SLC25A17: variants seen among roughly 807,000 people sequenced by gnomAD.
SLC25A17 encodes solute carrier family 25 member 17, also known as peroxisomal membrane protein PMP34.
SLC25A17 carries 26 observed loss-of-function variants against 38.5 expected under a neutral mutation model. That is an observed-to-expected ratio of 0.68 (90% CI 0.50 to 0.94). The LOEUF is 0.94. Among genes scored for constraint, SLC25A17 ranks in the 40% least tolerant of loss-of-function variants. SLC25A17 has a pLI of 0.00. For synonymous variants in SLC25A17, 139 were observed against 136.2 expected (o/e 1.02, Z -0.14); for missense variants, 333 against 372.7 (o/e 0.89, Z 0.88).
chr22:40,811,742 C>G (rs533178677), intron 1 of SLC25A17, among the ~76,000 whole-genome samples: 1 of 152,264 alleles, frequency 6.6e-6, no homozygotes, highest in East Asian at 1.9e-4. Context: ...CATGAACTAA[C>G]AGTGAGAACT....
At chr22:40,800,126 T>A (rs1427830055) in intron 1 of SLC25A17, among the ~76,000 whole-genome samples, 1 of 152,176 alleles carries the variant, frequency 6.6e-6, no homozygotes, top group Non-Finnish European at 1.5e-5. Flanking sequence ...ATAGGAACAA[T>A]CTCTTTGCCA....
intron 1 of SLC25A17, among the ~76,000 whole-genome samples, chr22:40,804,117 T>C (rs2057508265): frequency 6.6e-6 from 1 of 152,134 alleles, no homozygotes; most frequent in African/African-American, 2.4e-5. Context: ...GCCCTGTTCC[T>C]CTCACTTTCA....
chr22:40,812,033 T>TTC lies in SLC25A17; in HGVS notation c.54+7160_54+7161dup, dbSNP rs372346560. 5.0e-3 allele frequency among the ~76,000 whole-genome samples: 754 copies of TTC among 150,252 alleles called. 8 individuals are homozygous for TTC. The highest frequency in any genetic ancestry group is 0.016 in the African/African-American group (642 of 41,064). On this transcript the variant is annotated intron_variant, in intron 1 of 8. Coordinates refer to ENST00000435456, the MANE Select transcript of SLC25A17 (RefSeq NM_006358.4). ...GATTTCTTTCTTTTTCTCTTTTTCT[T>TTC]TCTCTCTCTCTCTCTCTCTCTTTCT...
intron 8 of SLC25A17, among the ~76,000 whole-genome samples, chr22:40,773,680 G>T (rs907212303): frequency 1.3e-5 from 2 of 152,184 alleles, no homozygotes; most frequent in African/African-American, 4.8e-5. Context: ...AGTATAGAAG[G>T]GTTCTCTTTC....
intron 1 of SLC25A17, among the ~76,000 whole-genome samples, chr22:40,808,047 C>A (rs577448646): frequency 6.6e-6 from 1 of 150,476 alleles, no homozygotes; most frequent in South Asian, 2.1e-4. Flanking sequence ...CACAAAATAC[C>A]GAGAAGATAA....
chr22:40,814,789 ATTG>A (rs1400643339), intron 1 of SLC25A17, among the ~76,000 whole-genome samples: 4 of 110,340 alleles, frequency 3.6e-5, no homozygotes, highest in African/African-American at 7.5e-5. Flanking sequence ...ATATATATAT[ATTG>A]TTGTTGTTGT....
chr22:40,807,901 A>C (rs577593636), intron 1 of SLC25A17, among the ~76,000 whole-genome samples: 2 of 152,284 alleles, frequency 1.3e-5, no homozygotes, highest in African/African-American at 4.8e-5. Flanking sequence ...AAGCAAAATT[A>C]TTTGTTATAT....
intron 2 of SLC25A17, 127 bp from the exon 3 acceptor site, chr22:40,794,707 C>G (rs942277692): frequency 2.1e-5 from 9 of 424,112 alleles, no homozygotes; most frequent in Non-Finnish European, 3.8e-5. Flanking sequence ...GCAACCTCCA[C>G]CTCCTGGGTT....
intron 8 of SLC25A17, among the ~76,000 whole-genome samples, chr22:40,772,901 A>G (rs942914111): frequency 1.3e-5 from 2 of 152,074 alleles, no homozygotes; most frequent in Admixed American, 6.6e-5. Context: ...AGCCTTCCAA[A>G]GTGTTGGGAT....
chr22:40,796,455 G>T (rs1027530741), intron 2 of SLC25A17, among the ~76,000 whole-genome samples: 2 of 151,238 alleles, frequency 1.3e-5, no homozygotes, highest in East Asian at 3.9e-4. Flanking sequence ...CCTGGCCAAC[G>T]TGGCGAAACC....
chr22:40,771,329 C>A (rs764329677), intron 8 of SLC25A17, among the ~76,000 whole-genome samples: 32 of 152,256 alleles, frequency 2.1e-4, no homozygotes, highest in Middle Eastern at 3.4e-3. Context: ...CCAGGATGGT[C>A]TCGATCCCCT....
rs563396910 is a variant in SLC25A17 at position 40,789,869 on chromosome 22, G to A, written c.334+2656C>T. Among the ~76,000 whole-genome samples the A allele has an allele frequency of 2.7e-5, 4 of 150,696 alleles. No individual in the cohort carries two copies. The highest frequency in any genetic ancestry group is 2.0e-4 in the East Asian group (1 of 4,982). Reference sequence around the variant, plus strand: ...GTTGCCCAGGCTGGTCTCAAACTGCGGGCTCAAGTGATCCTCCTGCCTTGA... The same window carrying A: ...GTTGCCCAGGCTGGTCTCAAACTGCAGGCTCAAGTGATCCTCCTGCCTTGA... On this transcript the variant is annotated intron_variant, in intron 4 of 8. Transcript: ENST00000435456. This position sits in a 1 kb window ranked among gnomAD's most constrained non-coding sequence, Gnocchi z 4.5.
chr22:40,788,562 G>A (rs908929813), intron 4 of SLC25A17, among the ~76,000 whole-genome samples: 6 of 152,120 alleles, frequency 3.9e-5, no homozygotes, highest in Admixed American at 2.6e-4. Context: ...GTGGTGGTGT[G>A]CGCCTGTAAT....
chr22:40,792,837 A>T (rs1475388616), intron 3 of SLC25A17, among the ~76,000 whole-genome samples, 161 bp from the exon 4 acceptor site: 1 of 152,234 alleles, frequency 6.6e-6, no homozygotes, highest in African/African-American at 2.4e-5. Flanking sequence ...ATTCTGAAGG[A>T]TGTCCAAATC....
At chr22:40,801,125 T>TTTTTTA (rs1411306043) in intron 1 of SLC25A17, among the ~76,000 whole-genome samples, 1 of 49,518 alleles carries the variant, frequency 2.0e-5, no homozygotes, top group African/African-American at 8.4e-5. Flanking sequence ...AAAAAATATA[T>TTTTTTA]TACATATATA....
chr22:40,774,104 G>T lies in SLC25A17; in HGVS notation c.694-85C>A, dbSNP rs546848146. ...TACCTGGGGAGGATATTATGTTGGA[G>T]TAGTATCTTATAGCATACATTAATA... is the stretch of plus-strand genomic sequence containing the variant. On this transcript the variant is annotated intron_variant, in intron 7 of 8. Transcript: ENST00000435456. The T allele has an allele frequency of 9.9e-5, 78 of 790,560 alleles. 2 individuals carry two copies. In the South Asian group the frequency reaches 1.0e-3, roughly 10 times the overall value. 49.0% of individuals were successfully genotyped at this position (790,560 alleles called of 1,614,324 possible). A position where few individuals can be genotyped will look rare whatever the true frequency, so the allele number is the denominator to read the frequency against.
At chr22:40,786,153 T>A (rs1422438657) in intron 4 of SLC25A17, among the ~76,000 whole-genome samples, 1 of 151,692 alleles carries the variant, frequency 6.6e-6, no homozygotes, top group Non-Finnish European at 1.5e-5. Context: ...TCTAGGAAAA[T>A]ACAAAAAATT....
chr22:40,807,295 T>A (rs1029361699), intron 1 of SLC25A17, among the ~76,000 whole-genome samples: 2 of 152,190 alleles, frequency 1.3e-5, no homozygotes, highest in East Asian at 3.8e-4. Flanking sequence ...GCACTATCAT[T>A]CTCTTTATTT....
At chr22:40,777,493 C>G in intron 5 of SLC25A17, 120 bp from the exon 6 acceptor site, 7 of 1,204,236 alleles carry the variant, frequency 5.8e-6, no homozygotes, top group Non-Finnish European at 8.0e-6. Flanking sequence ...ATAAAGATTT[C>G]CTTCTTGCAG....
Sources: gnomAD v4.1 joint callset for allele counts (sites outside exome capture counted in the v4.1 genomes callset) on GRCh38, gnomAD v4.1.1 for gene constraint, Gnocchi (gnomAD v3.1) non-coding constraint, MANE v1.5 for transcripts, NCBI Gene and HGNC (gene_info 2026-07-23, HGNC 2026-07-21) for gene names.